ENTHD1: variants seen among roughly 807,000 people sequenced by gnomAD.
The protein encoded by ENTHD1 is ENTH domain-containing protein 1.
In ENTHD1, 23 loss-of-function variants were observed where a neutral mutation model predicts 39.1. The ratio of observed to expected loss-of-function variants is 0.59; its 90% CI spans 0.42 to 0.83. ENTHD1 has a LOEUF of 0.83. Ranked by LOEUF, ENTHD1 falls within the 40% of genes least tolerant of loss-of-function variation. The pLI is 0.00. For missense variants in ENTHD1, 624 were observed against 705.4 expected, an observed-to-expected ratio of 0.88 and a Z score of 1.31; for synonymous variants, 230 against 258.2, an observed-to-expected ratio of 0.89 and a Z score of 1.05.
At chr22:39,856,851 T>TC (rs2066093322) in intron 3 of ENTHD1, among the ~76,000 whole-genome samples, 1 of 110,816 alleles carries the variant, frequency 9.0e-6, no homozygotes, top group Admixed American at 1.0e-4. Context: ...AGACCCTGTC[T>TC]CAAAAAAAAA....
intron 2 of ENTHD1, among the ~76,000 whole-genome samples, chr22:39,883,966 A>C (rs564954327): frequency 6.6e-6 from 1 of 152,104 alleles, no homozygotes; most frequent in Admixed American, 6.5e-5. Flanking sequence ...ATTGGAAAAT[A>C]ATCTTTAAAA....
rs73888181 is a variant in ENTHD1 at position 39,822,104 on chromosome 22, A to G, written c.712-991T>C. Among the ~76,000 whole-genome samples the G allele has an allele frequency of 6.4e-3, 974 of 152,124 alleles. 13 individuals carry two copies. The highest frequency in any genetic ancestry group is 0.023 in the African/African-American group (935 of 41,506). On this transcript the variant is annotated intron_variant, in intron 4 of 6. Transcript: ENST00000325157. ...TTACCATAAACTGTTCATATTTCCA[A>G]CTTCTCCTAAATGTCATAAACAGGT...
chr22:39,805,859 G>T (rs2065636404), intron 5 of ENTHD1, among the ~76,000 whole-genome samples: 1 of 152,120 alleles, frequency 6.6e-6, no homozygotes, highest in African/African-American at 2.4e-5. Flanking sequence ...CACACTTGAG[G>T]TCATGGCTTG....
At chr22:39,885,684 A>G (rs1313705008) in intron 2 of ENTHD1, among the ~76,000 whole-genome samples, 1 of 152,238 alleles carries the variant, frequency 6.6e-6, no homozygotes, top group Non-Finnish European at 1.5e-5. Context: ...ATCCTACAAC[A>G]TGACAACGCT....
chr22:39,845,286 C>G (rs767104907), intron 3 of ENTHD1, among the ~76,000 whole-genome samples: 1 of 152,154 alleles, frequency 6.6e-6, no homozygotes, highest in African/African-American at 2.4e-5. Flanking sequence ...GAAATTACAG[C>G]ACAAGGGCTT....
chr22:39,743,925 A>G lies in ENTHD1; in HGVS notation c.1578T>C (p.Pro526=). The G allele has an allele frequency of 6.2e-7, 1 of 1,614,172 alleles. No homozygotes were observed. Among genetic ancestry groups the G allele is most frequent in the Non-Finnish European group, 8.5e-7 (1 of 1,180,020 alleles). Residue 526 remains proline (P), a synonymous_variant, in exon 7 of 7, where the codon CCT becomes CCC. Transcript: ENST00000325157. ...TTGACTGAAAACCAGAACAGGACAG[A>G]GGGATGAACTGGTCTACATTTTGGG... ...FSTQNVDQFI[P]LSCSGFQSTK... is the part of the protein sequence containing the mutation.
At chr22:39,812,905 C>T (rs995724101) in intron 5 of ENTHD1, among the ~76,000 whole-genome samples, 1 of 152,196 alleles carries the variant, frequency 6.6e-6, no homozygotes, top group Non-Finnish European at 1.5e-5. Flanking sequence ...ACCTCAGTCT[C>T]CCGAGTACCT....
At chr22:39,883,722 A>G (rs1180379815) in intron 2 of ENTHD1, among the ~76,000 whole-genome samples, 1 of 151,704 alleles carries the variant, frequency 6.6e-6, no homozygotes, top group Admixed American at 6.6e-5. Context: ...TAAGAAGACA[A>G]TTCCAGCCTG....
chr22:39,858,226 T>C (rs1380172209), intron 3 of ENTHD1, among the ~76,000 whole-genome samples: 1 of 152,254 alleles, frequency 6.6e-6, no homozygotes, highest in Non-Finnish European at 1.5e-5. Context: ...CAGGAGTAGA[T>C]TTCAACTCAA....
At chr22:39,759,480 A>G (rs959388434) in intron 6 of ENTHD1, among the ~76,000 whole-genome samples, 1 of 152,106 alleles carries the variant, frequency 6.6e-6, no homozygotes, top group Non-Finnish European at 1.5e-5. Flanking sequence ...AATTCTTAGA[A>G]TTGGTAATTT....
chr22:39,838,543 C>T (rs2065922248), intron 3 of ENTHD1, among the ~76,000 whole-genome samples: 1 of 152,038 alleles, frequency 6.6e-6, no homozygotes, highest in African/African-American at 2.4e-5. Context: ...AAAATAGAGG[C>T]AGGATTTCTG....
At chr22:39,843,981 T>C (rs1569164120) in intron 3 of ENTHD1, among the ~76,000 whole-genome samples, 1 of 152,224 alleles carries the variant, frequency 6.6e-6, no homozygotes, top group Non-Finnish European at 1.5e-5. Flanking sequence ...TTTATTGCTC[T>C]GCTTCCATTT....
chr22:39,785,916 T>C lies in ENTHD1; in HGVS notation c.833-20307A>G, dbSNP rs904794390. Among the ~76,000 whole-genome samples the C allele has an allele frequency of 1.2e-4, 19 of 152,186 alleles. 1 individual carries two copies. Among genetic ancestry groups the C allele is most frequent in the African/African-American group, 4.6e-4 (19 of 41,456 alleles). ...CTCAAAGACAATTTCAAACCCTCTC[T>C]GCTCGTCTCAAGTACTTTTGTCAAC... On this transcript the variant is annotated intron_variant, in intron 5 of 6. Transcript: ENST00000325157.
chr22:39,871,182 A>AATAT (rs1251506135), intron 2 of ENTHD1, among the ~76,000 whole-genome samples: 5 of 139,734 alleles, frequency 3.6e-5, no homozygotes, highest in African/African-American at 6.3e-5. Flanking sequence ...AAAATAAATA[A>AATAT]ATAAATAAAT....
intron 5 of ENTHD1, among the ~76,000 whole-genome samples, chr22:39,783,404 A>G (rs1014968728): frequency 6.6e-6 from 1 of 152,206 alleles, no homozygotes; most frequent in Admixed American, 6.5e-5. Flanking sequence ...AAACAATCCT[A>G]AAATTTATAT....
intron 5 of ENTHD1, among the ~76,000 whole-genome samples, chr22:39,775,392 C>T (rs1055937331): frequency 1.1e-4 from 16 of 152,094 alleles, no homozygotes; most frequent in African/African-American, 3.9e-4. Context: ...CATTAAAAGA[C>T]TCAACTGTAG....
intron 4 of ENTHD1, among the ~76,000 whole-genome samples, chr22:39,822,399 C>T (rs2065790366): frequency 6.6e-6 from 1 of 152,156 alleles, no homozygotes; most frequent in Admixed American, 6.5e-5. Context: ...GACCACTATT[C>T]TATCATATCA....
intron 4 of ENTHD1, among the ~76,000 whole-genome samples, chr22:39,831,333 G>C (rs1027866437): frequency 2.0e-5 from 3 of 152,184 alleles, no homozygotes; most frequent in South Asian, 2.1e-4. Flanking sequence ...CTGCCAGTAA[G>C]TCCTGAATGT....
Position 39,817,659 on chromosome 22 carries a change from T to A in ENTHD1, c.832+3334A>T, listed in dbSNP as rs866737254. Among the ~76,000 whole-genome samples the A allele has an allele frequency of 2.0e-4, 31 of 152,196 alleles. No individual in the cohort carries two copies. In the South Asian group the frequency reaches 3.5e-3, roughly 17 times the overall value. Reference sequence around the variant, plus strand: ...GACTTTCTCTGTATTTGAATTTTTTTAAATTAAGAGTATATTCACTTATAT... The same window carrying A: ...GACTTTCTCTGTATTTGAATTTTTTAAAATTAAGAGTATATTCACTTATAT... On this transcript the variant is annotated intron_variant, in intron 5 of 6. Coordinates refer to ENST00000325157, the MANE Select transcript of ENTHD1 (RefSeq NM_152512.4).
Sources: allele counts gnomAD v4.1 joint callset (sites outside exome capture counted in the v4.1 genomes callset), GRCh38; gene constraint gnomAD v4.1.1; transcripts MANE v1.5; gene names NCBI Gene and HGNC (gene_info 2026-07-23, HGNC 2026-07-21).